The following TMIGD3 variants were observed in gnomAD, a reference collection of about 807,000 sequenced individuals.
The protein encoded by TMIGD3 is AD026 protein (AD026).
A neutral mutation model predicts 28.1 loss-of-function variants in TMIGD3; 21 were observed. That is an observed-to-expected ratio of 0.75 (90% confidence interval 0.53 to 1.08). TMIGD3 has a LOEUF of 1.08. TMIGD3 is among the 50% of genes least tolerant of loss of function. The probability of loss-of-function intolerance (pLI) is 0.00; values close to 1 mark genes in which losing one functional copy is unlikely to be tolerated. For synonymous variants in TMIGD3, 151 were observed against 162.1 expected, an observed-to-expected ratio of 0.93 and a Z score of 0.52; for missense variants, 416 against 435.6, an observed-to-expected ratio of 0.96 and a Z score of 0.40.
chr1:111,540,581 C>T (rs1656788334), intron 1 of TMIGD3, among the ~76,000 whole-genome samples: 2 of 152,212 alleles, frequency 1.3e-5, no homozygotes, highest in Admixed American at 6.5e-5. Flanking sequence ...CTTGTTCCTC[C>T]TCCTTTTCTC....
intron 1 of TMIGD3, among the ~76,000 whole-genome samples, chr1:111,491,779 T>C (rs1166924067): frequency 6.6e-6 from 1 of 152,240 alleles, no homozygotes; most frequent in Non-Finnish European, 1.5e-5. Flanking sequence ...AATTATAATA[T>C]GTGGAACTTA....
intron 1 of TMIGD3, among the ~76,000 whole-genome samples, chr1:111,523,263 T>C (rs1656142138): frequency 1.3e-5 from 2 of 152,250 alleles, no homozygotes; most frequent in South Asian, 4.1e-4. Flanking sequence ...ATTTTAGATG[T>C]TAATATATGG....
intron 1 of TMIGD3, among the ~76,000 whole-genome samples, chr1:111,521,476 G>A (rs1303437622): frequency 6.6e-6 from 1 of 152,062 alleles, no homozygotes; most frequent in African/African-American, 2.4e-5. Context: ...CCATTGTAGT[G>A]GTTACATAAT....
chr1:111,531,072 G>A (rs551496987), intron 1 of TMIGD3, among the ~76,000 whole-genome samples: 3 of 152,184 alleles, frequency 2.0e-5, no homozygotes, highest in Non-Finnish European at 4.4e-5. Flanking sequence ...GAGCTCAGGA[G>A]CTCGAGACCA....
intron 1 of TMIGD3, among the ~76,000 whole-genome samples, chr1:111,549,972 G>A (rs1455885723): frequency 6.6e-6 from 1 of 151,924 alleles, no homozygotes; most frequent in Non-Finnish European, 1.5e-5. Flanking sequence ...TTTTTTTGTT[G>A]GAAGTTTTTT....
upstream of TMIGD3, among the ~76,000 whole-genome samples, chr1:111,504,655 A>G (rs772950345): frequency 9.6e-4 from 147 of 152,346 alleles, no homozygotes; most frequent in Non-Finnish European, 1.8e-3. Flanking sequence ...GCATCTAAAT[A>G]TGTACAGCCC....
At chr1:111,543,049 T>C (rs1451748228) in intron 1 of TMIGD3, among the ~76,000 whole-genome samples, 4 of 152,216 alleles carry the variant, frequency 2.6e-5, no homozygotes, top group Non-Finnish European at 4.4e-5. Flanking sequence ...AGTCTATTTG[T>C]AGATTCTCCC....
intron 1 of TMIGD3, among the ~76,000 whole-genome samples, chr1:111,528,941 T>A (rs1234632762): frequency 2.0e-5 from 3 of 152,074 alleles, no homozygotes; most frequent in African/African-American, 7.2e-5. Flanking sequence ...TTTTCTATAA[T>A]CATGTCATTT....
chr1:111,537,466 G>A (rs1261339348), intron 1 of TMIGD3, among the ~76,000 whole-genome samples: 1 of 152,146 alleles, frequency 6.6e-6, no homozygotes, highest in Non-Finnish European at 1.5e-5. Context: ...ATAAAGACAG[G>A]TGTATAAACA....
chr1:111,507,035 G>GTA (rs1655528793), upstream of TMIGD3, among the ~76,000 whole-genome samples: 1 of 53,756 alleles, frequency 1.9e-5, no homozygotes, highest in African/African-American at 5.6e-5. Flanking sequence ...GTGTGTGTGT[G>GTA]TGTGTATATA....
At chr1:111,507,669 G>A (rs1655556459), upstream of TMIGD3, among the ~76,000 whole-genome samples, 1 of 152,232 alleles carries the variant, frequency 6.6e-6, no homozygotes, top group South Asian at 2.1e-4. Flanking sequence ...TCAGGCAGGC[G>A]AAAGGTGGGG....
Position 111,502,878 on chromosome 1 carries a change from C to T in TMIGD3, c.350+127G>A, listed in dbSNP as rs537832566. 24 of 1,201,680 alleles carry T rather than the reference C, an allele frequency of 2.0e-5. No homozygotes were observed. In the African/African-American group the frequency reaches 3.1e-4, roughly 15 times the overall value. 74.4% of individuals were successfully genotyped at this position (1,201,680 alleles called of 1,614,324 possible). A position where few individuals can be genotyped will look rare whatever the true frequency, so the allele number is the denominator to read the frequency against. ...TCACAGACCATATCACAAAAAGACACTTATTGCCCTCTTTCAACATCAAGG... is the reference window on the plus strand; with the variant it reads ...TCACAGACCATATCACAAAAAGACATTTATTGCCCTCTTTCAACATCAAGG... On this transcript the variant is annotated intron_variant, in intron 1 of 5. Coordinates refer to ENST00000369716, the MANE Select transcript of TMIGD3 (RefSeq NM_020683.7).
intron 1 of TMIGD3, among the ~76,000 whole-genome samples, chr1:111,523,530 A>G (rs1656150409): frequency 6.6e-6 from 1 of 152,164 alleles, no homozygotes; most frequent in Non-Finnish European, 1.5e-5. Context: ...TCATAGAACG[A>G]GCTGGGAAGT....
At chr1:111,531,954 G>GA (rs138845380) in intron 1 of TMIGD3, among the ~76,000 whole-genome samples, 4 of 152,034 alleles carry the variant, frequency 2.6e-5, no homozygotes, top group African/African-American at 9.7e-5. Flanking sequence ...AAAAACAAAG[G>GA]AAAAAAACTT....
intron 1 of TMIGD3, among the ~76,000 whole-genome samples, chr1:111,529,088 AT>A (rs1220076545): frequency 6.6e-6 from 1 of 151,552 alleles, no homozygotes; most frequent in Non-Finnish European, 1.5e-5. Context: ...CTTTGTAATT[AT>A]TTTATTTATT....
At chr1:111,499,060 C>T (rs1655021679) in intron 1 of TMIGD3, among the ~76,000 whole-genome samples, 1 of 148,680 alleles carries the variant, frequency 6.7e-6, no homozygotes, top group Admixed American at 6.7e-5. Context: ...CACTACACTC[C>T]AGCCTAGGTG....
intron 1 of TMIGD3, among the ~76,000 whole-genome samples, chr1:111,560,661 T>A (rs1427095261): frequency 6.6e-6 from 1 of 151,854 alleles, no homozygotes; most frequent in East Asian, 1.9e-4. Flanking sequence ...GCTAATTTTT[T>A]TTCCATTTGT....
Position 111,503,426 on chromosome 1 carries a change from A to T in TMIGD3, c.-72T>A. 4.6e-6 allele frequency: 7 copies of T among 1,513,330 alleles called. No individual in the cohort carries two copies. Among genetic ancestry groups the T allele is most frequent in the Non-Finnish European group, 6.2e-6 (7 of 1,125,386 alleles). 93.7% of individuals were successfully genotyped at this position (1,513,330 alleles called of 1,614,324 possible). ...ATCCGTCTGTAGGGCCAGTGGGCCT[A>T]GCTCTCGCCAGACGTCTTCCCAGAG... On this transcript the variant is annotated 5_prime_UTR_variant, in exon 1 of 6. The change abolishes the stop of an existing upstream ORF in the 5' untranslated region. Transcript: ENST00000369716.
chr1:111,523,588 A>G (rs901434186), intron 1 of TMIGD3, among the ~76,000 whole-genome samples: 2 of 152,214 alleles, frequency 1.3e-5, no homozygotes, highest in African/African-American at 4.8e-5. Context: ...GTAATCTTTC[A>G]TTCTTAAATG....
Sources: gnomAD v4.1 joint callset for allele counts (sites outside exome capture counted in the v4.1 genomes callset) on GRCh38, gnomAD v4.1.1 for gene constraint, MANE v1.5 for transcripts, NCBI Gene and HGNC (gene_info 2026-07-23, HGNC 2026-07-21) for gene names.